RARS2: variants seen among roughly 807,000 people sequenced by gnomAD.
The protein encoded by RARS2 is arginyl-tRNA synthetase 2, mitochondrial.
RARS2 carries 67 observed loss-of-function variants against 88.5 expected under a neutral mutation model. That is an observed-to-expected ratio of 0.76 (90% CI 0.62 to 0.93). RARS2 has a LOEUF of 0.93. RARS2 is among the 40% of genes least tolerant of loss of function. RARS2 has a pLI of 0.00. For missense variants in RARS2, 664 were observed against 684.2 expected (o/e 0.97, Z 0.33); for synonymous variants, 239 against 230.3 (o/e 1.04, Z -0.34).
chr6:87,519,050 T>C, intron 14 of RARS2, 159 bp from the exon 15 acceptor site: 1 of 725,706 alleles, frequency 1.4e-6, no homozygotes, highest in Non-Finnish European at 2.4e-6. Flanking sequence ...CCTTTGATAA[T>C]GACATTTCCC....
At chr6:87,545,075 C>CTTTT (rs137890034) in intron 7 of RARS2, among the ~76,000 whole-genome samples, 2,620 of 152,182 alleles carry the variant, frequency 0.017, 71 homozygotes, top group African/African-American at 0.058. Flanking sequence ...TTATTAAAAC[C>CTTTT]ACAAAAGCCT....
intron 5 of RARS2, 80 bp downstream of exon 5, chr6:87,555,328 A>T (rs993319080): frequency 2.8e-6 from 3 of 1,059,950 alleles, no homozygotes; most frequent in Non-Finnish European, 4.4e-6. Flanking sequence ...ATTTATTAAG[A>T]CCCCCAAATA....
chr6:87,569,739 G>A (rs931047047), intron 1 of RARS2, 149 bp from the exon 2 acceptor site: 7 of 684,216 alleles, frequency 1.0e-5, no homozygotes, highest in Non-Finnish European at 1.8e-5. Flanking sequence ...ATTCAAAAAG[G>A]TATATAGTGT....
At chr6:87,536,421 G>T (rs953344131) in intron 8 of RARS2, among the ~76,000 whole-genome samples, 1 of 152,060 alleles carries the variant, frequency 6.6e-6, no homozygotes, top group African/African-American at 2.4e-5. Flanking sequence ...CGGATCACAA[G>T]GTCAGGAGTT....
At chr6:87,519,006 A>C in intron 14 of RARS2, 115 bp from the exon 15 acceptor site, 2 of 1,012,382 alleles carry the variant, frequency 2.0e-6, no homozygotes, top group Non-Finnish European at 3.1e-6. Flanking sequence ...CAGATTCAGA[A>C]TGAGTAATTA....
At chr6:87,571,665 G>C (rs1296974753) in intron 1 of RARS2, among the ~76,000 whole-genome samples, 1 of 152,096 alleles carries the variant, frequency 6.6e-6, no homozygotes, top group Non-Finnish European at 1.5e-5. Flanking sequence ...CATCTTCAAG[G>C]GTGTTTGTGA....
intron 17 of RARS2, among the ~76,000 whole-genome samples, chr6:87,517,295 G>A (rs1367790492): frequency 6.6e-6 from 1 of 152,064 alleles, no homozygotes; most frequent in African/African-American, 2.4e-5. Context: ...AAGAAGAGTA[G>A]AAGGATATGA....
intron 8 of RARS2, among the ~76,000 whole-genome samples, chr6:87,540,029 A>T (rs1343361392): frequency 6.6e-6 from 1 of 152,196 alleles, no homozygotes; most frequent in Non-Finnish European, 1.5e-5. Context: ...CTCCCTATCA[A>T]TAAAACTCTT....
At chr6:87,578,611 C>T (rs563961604) in intron 1 of RARS2, among the ~76,000 whole-genome samples, 6 of 152,136 alleles carry the variant, frequency 3.9e-5, no homozygotes, top group Non-Finnish European at 8.8e-5. Context: ...GGTGGTGAGG[C>T]GGGGAGAGGT....
At chr6:87,550,011 TG>T (rs1783843986) in intron 5 of RARS2, among the ~76,000 whole-genome samples, 1 of 152,222 alleles carries the variant, frequency 6.6e-6, no homozygotes, top group Non-Finnish European at 1.5e-5. Context: ...GTTTAAATTC[TG>T]GTCTGTCTCC....
intron 8 of RARS2, among the ~76,000 whole-genome samples, chr6:87,535,706 T>C (rs952230062): frequency 6.9e-6 from 1 of 144,804 alleles, no homozygotes; most frequent in African/African-American, 2.6e-5. Flanking sequence ...AGACAGAGTC[T>C]CGCTCTGTTG....
Position 87,548,605 on chromosome 6 carries a change from C to T in RARS2, c.437G>A (p.Arg146His), listed in dbSNP as rs746885661. ...VAKKFHVGHL[R>H]STIIGNFIAN... ...TAAACACTTACCTATGATGGTAGAA[C>T]GCAAATGTCCAACATGAAATTTTTT... is the stretch of plus-strand genomic sequence containing the variant. Residue 146 changes from arginine to histidine, a missense_variant, in exon 6 of 20, where the codon CGT becomes CAT. Transcript: ENST00000369536. 8.7e-6 allele frequency: 14 copies of T among 1,612,808 alleles called. No homozygotes were observed. Among genetic ancestry groups the T allele is most frequent in the African/African-American group, 4.0e-5 (3 of 74,862 alleles).
chr6:87,516,730 G>T, intron 18 of RARS2, 76 bp downstream of exon 18: 1 of 1,582,740 alleles, frequency 6.3e-7, no homozygotes, highest in Non-Finnish European at 8.6e-7. Flanking sequence ...CAAGGAATTT[G>T]TTTACAGGAA....
chr6:87,569,984 G>A (rs1769142061), intron 1 of RARS2, among the ~76,000 whole-genome samples: 1 of 150,996 alleles, frequency 6.6e-6, no homozygotes, highest in Non-Finnish European at 1.5e-5. Context: ...AAATTGAGTG[G>A]CTACTTAATG....
intron 5 of RARS2, 69 bp from the exon 6 acceptor site, chr6:87,548,715 C>A (rs1379035510): frequency 1.0e-5 from 15 of 1,430,196 alleles, no homozygotes; most frequent in Non-Finnish European, 1.5e-5. Context: ...CTAGGTCATG[C>A]CTCCATACTT....
At chr6:87,578,048 C>T (rs9359753) in intron 1 of RARS2, among the ~76,000 whole-genome samples, 2 of 151,456 alleles carry the variant, frequency 1.3e-5, no homozygotes, top group Non-Finnish European at 2.9e-5. Context: ...TTTGGGAGGT[C>T]GAGGTGCAGG....
chr6:87,516,137 T>C (rs1252134986), intron 18 of RARS2, among the ~76,000 whole-genome samples: 2 of 151,838 alleles, frequency 1.3e-5, no homozygotes, highest in African/African-American at 4.9e-5. Context: ...ACATTTCCTT[T>C]ATTAAATGGC....
At chr6:87,556,099 G>T (rs1307701880) in intron 4 of RARS2, among the ~76,000 whole-genome samples, 3 of 152,176 alleles carry the variant, frequency 2.0e-5, no homozygotes, top group Non-Finnish European at 2.9e-5. Flanking sequence ...GTAGGAAAAA[G>T]ATAAAAATGT....
Position 87,564,182 on chromosome 6 carries a change from T to A in RARS2, c.161A>T (p.Asn54Ile). ...LSVDSLLEKD[N>I]DHSRPDIQVQ... is the part of the protein sequence containing the mutation. The stretch of plus-strand genomic sequence containing the variant: ...TTGAATATCTGGTCTTGAATGGTCA[T>A]TGTCTTTTTCCAATAAAGAATCCAC... The change falls in exon 3 of 20, where the codon AAT becomes ATT. Residue 54 changes from asparagine to isoleucine, a missense_variant. By Grantham distance (149) the Asn-to-Ile change is moderately radical. Transcript: ENST00000369536. The A allele has an allele frequency of 6.2e-7, 1 of 1,613,874 alleles. No homozygotes were observed. Among genetic ancestry groups the A allele is most frequent in the Non-Finnish European group, 8.5e-7 (1 of 1,179,806 alleles).
Sources: allele counts gnomAD v4.1 joint callset (sites outside exome capture counted in the v4.1 genomes callset), GRCh38; gene constraint gnomAD v4.1.1; transcripts MANE v1.5; gene names NCBI Gene and HGNC (gene_info 2026-07-23, HGNC 2026-07-21).